Variants in TBC1D15 observed in about 807,000 individuals in gnomAD.
The protein encoded by TBC1D15 is GAP for RAB7.
TBC1D15 carries 39 observed loss-of-function variants against 95.4 expected under a neutral mutation model. That is an observed-to-expected ratio of 0.41 (90% CI 0.32 to 0.53). The LOEUF (loss-of-function observed/expected upper bound fraction) is 0.53. Ranked by LOEUF, TBC1D15 falls within the 20% of genes least tolerant of loss-of-function variation. TBC1D15 has a pLI of 0.29. For missense variants in TBC1D15, 733 were observed against 794.3 expected, an observed-to-expected ratio of 0.92 and a Z score of 0.93; for synonymous variants, 258 against 261.3, an observed-to-expected ratio of 0.99 and a Z score of 0.12.
At chr12:71,893,550 C>T (rs1043476791) in intron 6 of TBC1D15, among the ~76,000 whole-genome samples, 4 of 151,666 alleles carry the variant, frequency 2.6e-5, no homozygotes, top group African/African-American at 7.3e-5. Context: ...TTCTTAGTTA[C>T]TCATAAGGAA....
intron 1 of TBC1D15, among the ~76,000 whole-genome samples, chr12:71,869,751 C>G (rs12309743): frequency 5.3e-5 from 8 of 151,816 alleles, no homozygotes; most frequent in Non-Finnish European, 1.5e-5. Context: ...TTTTTCATAT[C>G]TTTTTTTGTG....
In TBC1D15 at chr12:71,923,139, G is replaced by A. The variant is rs770577886; in HGVS notation, c.1960G>A (p.Ala654Thr). The A allele has an allele frequency of 4.3e-6, 7 of 1,614,058 alleles. No individual in the cohort carries two copies. The highest frequency in any genetic ancestry group is 2.7e-5 in the African/African-American group (2 of 74,932). Reference protein sequence around the residue: ...NALPTLSASGARNDSPTQIPV... With the variant: ...NALPTLSASGTRNDSPTQIPV... ...CTTGCCTACACTCTCTGCCAGTGGA[G>A]CCAGAAATGACAGCCCAACACAGAT... Residue 654 changes from alanine to threonine, a missense_variant, in exon 17 of 17, where the codon GCC becomes ACC. Physicochemically the swap from Ala to Thr is moderately conservative, Grantham distance 58. Transcript: ENST00000485960.
chr12:71,849,175 A>AC, intron 1 of TBC1D15: 1 of 285,170 alleles, frequency 3.5e-6, no homozygotes, highest in South Asian at 1.1e-4. Context: ...AAAAAAAAAA[A>AC]AAACAAAAAA....
At chr12:71,881,651 C>T (rs1327165062) in intron 4 of TBC1D15, among the ~76,000 whole-genome samples, 2 of 152,164 alleles carry the variant, frequency 1.3e-5, no homozygotes, top group Non-Finnish European at 2.9e-5. Flanking sequence ...GGCGCGGTGG[C>T]TCACTCCTGT....
intron 15 of TBC1D15, 49 bp from the exon 16 acceptor site, chr12:71,921,319 A>G (rs1298846029): frequency 9.5e-7 from 1 of 1,049,352 alleles, no homozygotes; most frequent in Non-Finnish European, 1.4e-6. Flanking sequence ...AATAGAATAT[A>G]ATAGTGTATT....
chr12:71,879,507 A>G (rs1038362005), intron 3 of TBC1D15, among the ~76,000 whole-genome samples: 1 of 152,096 alleles, frequency 6.6e-6, no homozygotes, highest in Admixed American at 6.5e-5. Flanking sequence ...TTATGTATGT[A>G]TGTGTTTAGA....
chr12:71,905,626 C>A (rs1437921215), intron 10 of TBC1D15, among the ~76,000 whole-genome samples: 2 of 151,854 alleles, frequency 1.3e-5, no homozygotes, highest in African/African-American at 4.8e-5. Flanking sequence ...GTACCTGGCC[C>A]ATTTTGACAT....
intron 4 of TBC1D15, among the ~76,000 whole-genome samples, chr12:71,881,406 TG>T (rs1895097936): frequency 1.3e-5 from 2 of 152,216 alleles, no homozygotes; most frequent in Admixed American, 1.3e-4. Flanking sequence ...CAGCCTTGGC[TG>T]CACATTGAAA....
In TBC1D15 at chr12:71,880,610, A is replaced by G. The variant is rs758823839; in HGVS notation, c.343+3A>G. 1.3e-6 allele frequency: 2 copies of G among 1,598,872 alleles called. No homozygotes were observed. The highest frequency in any genetic ancestry group is 1.7e-6 in the Non-Finnish European group (2 of 1,174,634). On this transcript the variant is annotated splice_donor_region_variant and intron_variant, in intron 4 of 16. Transcript: ENST00000485960. ...AAGGAAACCACATACCAATGGAGGT[A>G]TGAATTAAATCTTTTGAAATCTTAA... is the stretch of plus-strand genomic sequence containing the variant.
At chr12:71,903,676 T>G (rs1450625678) in intron 10 of TBC1D15, among the ~76,000 whole-genome samples, 1 of 152,228 alleles carries the variant, frequency 6.6e-6, no homozygotes, top group Non-Finnish European at 1.5e-5. Context: ...CATAGAATGC[T>G]ATGCAGCCAT....
chr12:71,916,699 G>GT (rs896451316), intron 12 of TBC1D15, among the ~76,000 whole-genome samples: 4 of 152,268 alleles, frequency 2.6e-5, no homozygotes, highest in Non-Finnish European at 4.4e-5. Context: ...GGACATATGA[G>GT]TTAAAGGGAT....
chr12:71,868,323 G>T (rs1326655963), intron 1 of TBC1D15, among the ~76,000 whole-genome samples: 3 of 147,258 alleles, frequency 2.0e-5, no homozygotes, highest in Non-Finnish European at 3.0e-5. Flanking sequence ...TCGGCTCACC[G>T]CAAGCTCTGC....
At chr12:71,867,121 G>GT (rs1388443527) in intron 1 of TBC1D15, among the ~76,000 whole-genome samples, 1 of 152,234 alleles carries the variant, frequency 6.6e-6, no homozygotes, top group Non-Finnish European at 1.5e-5. Context: ...TCAGATGAGA[G>GT]TAAGGGTTTT....
At position 71,909,605 on chromosome 12, in the gene TBC1D15, G is replaced by C. The variant is rs373020572; in HGVS notation, c.1300+2467G>C. Among the ~76,000 whole-genome samples the C allele has an allele frequency of 2.6e-5, 4 of 152,138 alleles. No individual in the cohort carries two copies. In the East Asian group the frequency reaches 7.7e-4, roughly 29 times the overall value. ...ATGATTTCTGATCCTCAAGATTTTT[G>C]TTTTTTAATTTGATACTCTAAAGGA... On this transcript the variant is annotated intron_variant, in intron 11 of 16. Coordinates refer to ENST00000485960, the MANE Select transcript of TBC1D15 (RefSeq NM_001146213.3).
chr12:71,883,993 A>G (rs1019831015), intron 4 of TBC1D15, among the ~76,000 whole-genome samples: 4 of 152,166 alleles, frequency 2.6e-5, no homozygotes, highest in South Asian at 2.1e-4. Context: ...AACTCAGAAC[A>G]TGCCGTATTT....
rs983919341 is a variant in TBC1D15, at chr12:71,863,276, G to A, written c.31-8794G>A. On this transcript the variant is annotated intron_variant, in intron 1 of 16. Coordinates refer to ENST00000485960, the MANE Select transcript of TBC1D15 (RefSeq NM_001146213.3). ...ACCTGTAGTCCCAGCTACTCAGGAGGCTGAGGCAGGAGAATGGCATGAACC... is the reference window on the plus strand; with the variant it reads ...ACCTGTAGTCCCAGCTACTCAGGAGACTGAGGCAGGAGAATGGCATGAACC... 1.0e-3 allele frequency among the ~76,000 whole-genome samples: 156 copies of A among 152,130 alleles called. 1 individual carries two copies. The highest frequency in any genetic ancestry group is 3.6e-3 in the African/African-American group (149 of 41,418).
chr12:71,896,158 G>GTTT, intron 8 of TBC1D15, 83 bp downstream of exon 8: 1 of 941,216 alleles, frequency 1.1e-6, no homozygotes, highest in Non-Finnish European at 1.4e-6. Flanking sequence ...GTTTTGGTGT[G>GTTT]TTTTTTTTTG....
intron 5 of TBC1D15, among the ~76,000 whole-genome samples, chr12:71,887,049 A>G (rs1896361294): frequency 6.6e-6 from 1 of 152,278 alleles, no homozygotes; most frequent in East Asian, 1.9e-4. Flanking sequence ...TAAATGTGCT[A>G]GACTACCTAT....
chr12:71,847,003 G>A (rs545130467), intron 1 of TBC1D15, among the ~76,000 whole-genome samples: 1 of 152,046 alleles, frequency 6.6e-6, no homozygotes, highest in Admixed American at 6.5e-5. Context: ...CAAGTGATCC[G>A]CTCACCTTGG....
Sources: gnomAD v4.1 joint callset for allele counts (sites outside exome capture counted in the v4.1 genomes callset) on GRCh38, gnomAD v4.1.1 for gene constraint, MANE v1.5 for transcripts, NCBI Gene and HGNC (gene_info 2026-07-23, HGNC 2026-07-21) for gene names.